TRDN: variants seen among roughly 807,000 people sequenced by gnomAD.
TRDN encodes triadin.
TRDN carries 161 observed loss-of-function variants against 149.7 expected under a neutral mutation model. The observed-to-expected ratio is 1.08, with a 90% CI of 0.95 to 1.23. The LOEUF is 1.23. Ranked by LOEUF, TRDN falls within the 50% of genes most tolerant of loss-of-function variation. The pLI is 0.00. For synonymous variants in TRDN, 294 were observed against 250.5 expected (o/e 1.17, Z -1.64); for missense variants, 896 against 823.5 (o/e 1.09, Z -1.08).
chr6:123,427,360 TA>T (rs1389909092), intron 12 of TRDN, among the ~76,000 whole-genome samples: 1 of 151,776 alleles, frequency 6.6e-6, no homozygotes, highest in Non-Finnish European at 1.5e-5. Flanking sequence ...ATAATAATAA[TA>T]ACTTCACTTC....
At chr6:123,563,216 C>T (rs1434930570) in intron 2 of TRDN, among the ~76,000 whole-genome samples, 2 of 152,282 alleles carry the variant, frequency 1.3e-5, no homozygotes, top group East Asian at 3.9e-4. Flanking sequence ...TATATTTCAC[C>T]TCTCTTACTC....
chr6:123,322,364 A>G (rs1038812713), intron 23 of TRDN, among the ~76,000 whole-genome samples: 1 of 152,136 alleles, frequency 6.6e-6, no homozygotes, highest in Non-Finnish European at 1.5e-5. Context: ...TAACCAAATA[A>G]TCTAATATGT....
At chr6:123,507,586 C>T (rs1168689530) in intron 7 of TRDN, among the ~76,000 whole-genome samples, 2 of 152,052 alleles carry the variant, frequency 1.3e-5, no homozygotes, top group Non-Finnish European at 2.9e-5. Flanking sequence ...TTTGAGTACA[C>T]ATTCTTCAAT....
At chr6:123,470,961 T>C (rs1777116554) in intron 9 of TRDN, 1 of 151,852 alleles carries the variant, frequency 6.6e-6, no homozygotes, top group South Asian at 2.1e-4. Flanking sequence ...TAGAAAAAAA[T>C]CCCCGAATTC....
At chr6:123,334,537 A>G (rs761168490) in intron 22 of TRDN, among the ~76,000 whole-genome samples, 1 of 152,012 alleles carries the variant, frequency 6.6e-6, no homozygotes, top group African/African-American at 2.4e-5. Context: ...AAGATAACCA[A>G]TATCATGGGT....
chr6:123,548,997 CTG>C (rs1781256375), intron 2 of TRDN, among the ~76,000 whole-genome samples: 1 of 152,014 alleles, frequency 6.6e-6, no homozygotes, highest in Non-Finnish European at 1.5e-5. Flanking sequence ...AAAGATGACT[CTG>C]TAAGTTTTCA....
intron 14 of TRDN, 100 bp from the exon 15 acceptor site, chr6:123,382,247 A>G: frequency 2.7e-6 from 2 of 737,872 alleles, no homozygotes; most frequent in Non-Finnish European, 4.1e-6. Flanking sequence ...AAAATTGATT[A>G]TTCAACAAAT....
chr6:123,254,934 T>TA (rs1227661748), intron 37 of TRDN, 147 bp downstream of exon 37: 4 of 598,590 alleles, frequency 6.7e-6, no homozygotes, highest in African/African-American at 5.5e-5. Flanking sequence ...TTCTGCTAGA[T>TA]TTTCTACCTG....
chr6:123,426,874 C>T (rs921619894), intron 12 of TRDN, among the ~76,000 whole-genome samples: 7 of 151,986 alleles, frequency 4.6e-5, no homozygotes, highest in Non-Finnish European at 1.0e-4. Flanking sequence ...TACATGTGCT[C>T]CTCAAGGCTC....
At position 123,616,509 on chromosome 6, in the gene TRDN, C is replaced by A. The variant is rs150655301; in HGVS notation, c.22+20245G>T. Among the ~76,000 whole-genome samples, 352 of 152,060 alleles carry A rather than the reference C, an allele frequency of 2.3e-3. 2 individuals are homozygous for A. Among genetic ancestry groups the A allele is most frequent in the South Asian group, 5.8e-3 (28 of 4,824 alleles). On this transcript the variant is annotated intron_variant, in intron 1 of 40. Transcript: ENST00000334268. The stretch of plus-strand genomic sequence containing the variant: ...ACATTTTATTCTGTACATCACAAAT[C>A]AAATATATGTATACTTCATATTTAT...
At chr6:123,229,900 C>T (rs1301537812) in intron 38 of TRDN, among the ~76,000 whole-genome samples, 2 of 151,904 alleles carry the variant, frequency 1.3e-5, no homozygotes, top group African/African-American at 4.8e-5. Flanking sequence ...GCAGATTTCT[C>T]ATTCTCAGCA....
chr6:123,280,141 G>C (rs903412378), intron 24 of TRDN, among the ~76,000 whole-genome samples: 2 of 152,100 alleles, frequency 1.3e-5, no homozygotes, highest in Admixed American at 1.3e-4. Flanking sequence ...GGAGCTGGTA[G>C]TCTGGAAAGG....
intron 21 of TRDN, among the ~76,000 whole-genome samples, chr6:123,343,193 A>C (rs1780127705): frequency 6.6e-6 from 1 of 152,020 alleles, no homozygotes; most frequent in South Asian, 2.1e-4. Context: ...TATCTAAGAA[A>C]TTTTGAGTGA....
chr6:123,288,608 G>A (rs1777882648), intron 24 of TRDN, among the ~76,000 whole-genome samples: 1 of 151,958 alleles, frequency 6.6e-6, no homozygotes, highest in Non-Finnish European at 1.5e-5. Flanking sequence ...TATATGAAAG[G>A]CCAACAGATA....
At chr6:123,429,614 A>G in intron 12 of TRDN, among the ~76,000 whole-genome samples, 1 of 152,206 alleles carries the variant, frequency 6.6e-6, no homozygotes, top group African/African-American at 2.4e-5. Flanking sequence ...ATTATTGTCT[A>G]ACAAATTGAT....
intron 20 of TRDN, among the ~76,000 whole-genome samples, chr6:123,353,024 T>C (rs924061168): frequency 6.6e-6 from 1 of 151,870 alleles, no homozygotes; most frequent in Non-Finnish European, 1.5e-5. Context: ...TTCATTTAAA[T>C]ATTAAATGAA....
intron 20 of TRDN, among the ~76,000 whole-genome samples, chr6:123,360,579 C>G (rs1013660803): frequency 1.3e-5 from 2 of 152,072 alleles, no homozygotes; most frequent in Non-Finnish European, 2.9e-5. Flanking sequence ...TTGGCTGGAG[C>G]TTCAGTGGCA....
At chr6:123,583,309 G>A (rs1341913044) in intron 1 of TRDN, among the ~76,000 whole-genome samples, 2 of 151,908 alleles carry the variant, frequency 1.3e-5, no homozygotes, top group Non-Finnish European at 2.9e-5. Context: ...CAAGTTTTTG[G>A]GGGGCACAGT....
intron 12 of TRDN, among the ~76,000 whole-genome samples, chr6:123,405,692 C>G (rs772096194): frequency 9.9e-5 from 15 of 152,092 alleles, no homozygotes; most frequent in African/African-American, 3.6e-4. Flanking sequence ...ATCTTTCAAC[C>G]AGGCTCACAT....
Sources: gnomAD v4.1 joint callset for allele counts (sites outside exome capture counted in the v4.1 genomes callset) on GRCh38, gnomAD v4.1.1 for gene constraint, MANE v1.5 for transcripts, NCBI Gene and HGNC (gene_info 2026-07-23, HGNC 2026-07-21) for gene names.